MTM1: variants seen among roughly 807,000 people sequenced by gnomAD.
The protein encoded by MTM1 is myotubularin.
In MTM1, 9 loss-of-function variants were observed where a neutral mutation model predicts 52.1. The ratio of observed to expected loss-of-function variants is 0.17; its 90% confidence interval spans 0.10 to 0.30. The LOEUF (loss-of-function observed/expected upper bound fraction) is 0.30. Ranked by LOEUF, MTM1 falls within the 10% of genes least tolerant of loss-of-function variation. MTM1 has a pLI of 1.00. For missense variants in MTM1, 277 were observed against 470.7 expected, an observed-to-expected ratio of 0.59 and a Z score of 3.81; for synonymous variants, 136 against 163.8, an observed-to-expected ratio of 0.83 and a Z score of 1.29.
At chrX:150,635,871 T>C (rs2039747033) in intron 6 of MTM1, among the ~76,000 whole-genome samples, 1 of 111,861 alleles carries the variant, frequency 8.9e-6, no homozygotes, top group Non-Finnish European at 1.9e-5. Flanking sequence ...AAAAATGTTT[T>C]TCTGTGTTTG....
At chrX:150,638,150 T>C in intron 6 of MTM1, among the ~76,000 whole-genome samples, 1 of 111,642 alleles carries the variant, frequency 9.0e-6, no homozygotes, top group Admixed American at 9.5e-5. Context: ...TGTACTGAAA[T>C]GGGGAGACTG....
At chrX:150,595,163 C>G (rs2038953907) in intron 2 of MTM1, among the ~76,000 whole-genome samples, 1 of 111,776 alleles carries the variant, frequency 8.9e-6, no homozygotes, top group African/African-American at 3.3e-5. Context: ...TTTGCATAGC[C>G]TCTGATAATT....
At chrX:150,590,791 T>C (rs2038870942) in intron 1 of MTM1, among the ~76,000 whole-genome samples, 1 of 112,233 alleles carries the variant, frequency 8.9e-6, no homozygotes, top group African/African-American at 3.2e-5. Context: ...TTCTACTGAC[T>C]TGATAGTAAG....
Position 150,607,163 on chromosome X carries a change from T to A in MTM1, c.232-7426T>A, listed in dbSNP as rs182419689. Among the ~76,000 whole-genome samples the A allele has an allele frequency of 6.4e-5, 7 of 109,251 alleles. No homozygotes were observed. The Admixed American group carries it at 6.8e-4, about 11-fold the overall frequency. 94.9% of individuals were successfully genotyped at this position (109,251 alleles called of 115,157 possible). On this transcript the variant is annotated intron_variant, in intron 4 of 14. Coordinates refer to ENST00000370396, the MANE Select transcript of MTM1 (RefSeq NM_000252.3). ...CCACCACAGCCAGTTAATTTTTGTA[T>A]TTTTAGTAGAGACATTGTTTCATTA...
chrX:150,617,996 A>T (rs1243982835), intron 5 of MTM1, among the ~76,000 whole-genome samples: 2 of 112,066 alleles, frequency 1.8e-5, no homozygotes, highest in South Asian at 7.4e-4. Context: ...ACATCTGTAT[A>T]TATAATACAA....
intron 10 of MTM1, among the ~76,000 whole-genome samples, chrX:150,656,389 A>G (rs1249304348): frequency 8.9e-6 from 1 of 111,788 alleles, no homozygotes; most frequent in African/African-American, 3.3e-5. Context: ...CCCCAAGCCA[A>G]GGAACGACCA....
chrX:150,578,825 CT>C (rs1294005815), intron 1 of MTM1, among the ~76,000 whole-genome samples: 1,234 of 101,136 alleles, frequency 0.012, 11 homozygotes, highest in African/African-American at 0.028. Context: ...AGTACTGCAA[CT>C]TTTTTTTTTT....
intron 7 of MTM1, among the ~76,000 whole-genome samples, 157 bp downstream of exon 7, chrX:150,639,183 T>C (rs2039807566): frequency 8.9e-6 from 1 of 112,479 alleles, no homozygotes; most frequent in Non-Finnish European, 1.9e-5. Context: ...ATATATCTCA[T>C]TCTATCTATT....
At chrX:150,662,875 A>C (rs2040246760) in intron 13 of MTM1, among the ~76,000 whole-genome samples, 1 of 111,253 alleles carries the variant, frequency 9.0e-6, no homozygotes, top group African/African-American at 3.3e-5. Flanking sequence ...TGAGATGGCA[A>C]CACTAGGCTG....
upstream of MTM1, among the ~76,000 whole-genome samples, chrX:150,567,613 G>C (rs782660089): frequency 4.5e-5 from 5 of 111,548 alleles, no homozygotes; most frequent in Non-Finnish European, 9.4e-5. Flanking sequence ...GAGTGCAGTG[G>C]TGCCATCTCA....
intron 9 of MTM1, among the ~76,000 whole-genome samples, chrX:150,647,805 C>G (rs1348409878): frequency 8.9e-6 from 1 of 112,143 alleles, no homozygotes; most frequent in African/African-American, 3.2e-5. Context: ...TTAAATTAAA[C>G]AAAATCCAAG....
chrX:150,583,417 TATA>T lies in MTM1; in HGVS notation c.-10-9187_-10-9185del, dbSNP rs1569565325. On this transcript the variant is annotated intron_variant, in intron 1 of 14. Coordinates refer to ENST00000370396, the MANE Select transcript of MTM1 (RefSeq NM_000252.3). ...TATATAAATTATATATATTATATTA[TATA>T]TAATTATAAATATATAAAAATTATA... Among the ~76,000 whole-genome samples, 10 of 40,163 alleles carry T rather than the reference TATA, an allele frequency of 2.5e-4. 3 individuals are homozygous for T. The highest frequency in any genetic ancestry group is 1.1e-3 in the African/African-American group (10 of 9,195). The allele number at this position is 40,163 out of a possible 115,157, so 34.9% of individuals were successfully genotyped here. A position where few individuals can be genotyped will look rare whatever the true frequency, so the allele number is the denominator to read the frequency against.
chrX:150,640,292 A>G (rs1456280323), intron 7 of MTM1, among the ~76,000 whole-genome samples: 5 of 112,003 alleles, frequency 4.5e-5, no homozygotes, highest in Non-Finnish European at 9.4e-5. Context: ...TTAAGATTGC[A>G]TGCATATATG....
At position 150,589,558 on chromosome X, in the gene MTM1, T is replaced by C. The variant is rs782473999; in HGVS notation, c.-10-3047T>C. On this transcript the variant is annotated intron_variant, in intron 1 of 14. Coordinates refer to ENST00000370396, the MANE Select transcript of MTM1 (RefSeq NM_000252.3). The stretch of plus-strand genomic sequence containing the variant: ...TGTAACCAAAAGGGTAGCTGATTTT[T>C]GTAGACTTCACTATAGCTTCTAATT... Among the ~76,000 whole-genome samples the C allele has an allele frequency of 7.2e-5, 8 of 111,568 alleles. No homozygotes were observed. The South Asian group carries it at 3.0e-3, about 41-fold the overall frequency.
chrX:150,595,677 G>T (rs1372765610), intron 2 of MTM1, among the ~76,000 whole-genome samples: 2 of 112,272 alleles, frequency 1.8e-5, no homozygotes, highest in African/African-American at 6.5e-5. Flanking sequence ...ACACATCTTC[G>T]TATTAATCCA....
chrX:150,595,885 G>T (rs1325769460), intron 2 of MTM1, among the ~76,000 whole-genome samples: 2 of 112,713 alleles, frequency 1.8e-5, no homozygotes, highest in Admixed American at 9.4e-5. Flanking sequence ...TGAAGAATTT[G>T]TACAAATGGC....
intron 1 of MTM1, among the ~76,000 whole-genome samples, chrX:150,580,534 CTTTT>C (rs370685704): frequency 9.8e-6 from 1 of 102,203 alleles, no homozygotes; most frequent in Non-Finnish European, 2.0e-5. Context: ...TTATTTCTGC[CTTTT>C]TTTTTTTCAG....
Position 150,659,177 on chromosome X carries a change from A to G in MTM1, c.1261-487A>G, listed in dbSNP as rs1274254546. On this transcript the variant is annotated intron_variant, in intron 11 of 14. Coordinates refer to ENST00000370396, the MANE Select transcript of MTM1 (RefSeq NM_000252.3). ...CATAGAAAGAATCATTGTTTAGTAA[A>G]TGAATACATTGTGAGATTTTTTGGT... 8.0e-5 allele frequency among the ~76,000 whole-genome samples: 9 copies of G among 112,629 alleles called. No homozygotes were observed. In the Admixed American group the frequency reaches 8.5e-4, roughly 11 times the overall value.
chrX:150,604,048 A>G (rs1441399943), intron 4 of MTM1, among the ~76,000 whole-genome samples: 1 of 111,731 alleles, frequency 9.0e-6, no homozygotes, highest in Non-Finnish European at 1.9e-5. Context: ...ATAAAGAATG[A>G]AAAGAGGCCA....
Sources: allele counts gnomAD v4.1 joint callset (sites outside exome capture counted in the v4.1 genomes callset), GRCh38; gene constraint gnomAD v4.1.1; transcripts MANE v1.5; gene names NCBI Gene and HGNC (gene_info 2026-07-23, HGNC 2026-07-21).